Variants in ATXN3 observed in about 807,000 individuals in gnomAD.
ATXN3 encodes ataxin 3, also known as ataxin-3.
In ATXN3, 28 loss-of-function variants were observed where a neutral mutation model predicts 58.2. The observed-to-expected ratio is 0.48, with a 90% CI of 0.36 to 0.66. The LOEUF (loss-of-function observed/expected upper bound fraction) is 0.66, where lower values mean the gene tolerates loss of function less well. Ranked by LOEUF, ATXN3 falls within the 30% of genes least tolerant of loss-of-function variation. ATXN3 has a pLI of 0.00. For missense variants in ATXN3, 321 were observed against 422.1 expected (o/e 0.76, Z 2.10); for synonymous variants, 113 against 138.5 (o/e 0.82, Z 1.29).
intron 8 of ATXN3, among the ~76,000 whole-genome samples, chr14:92,081,704 A>G (rs904423918): frequency 1.3e-5 from 2 of 152,154 alleles, no homozygotes; most frequent in Non-Finnish European, 2.9e-5. Flanking sequence ...ATTTCATTAG[A>G]AAGTAGAAGC....
intron 5 of ATXN3, chr14:92,090,309 T>C (rs141210867): frequency 1.3e-5 from 2 of 152,232 alleles, no homozygotes; most frequent in African/African-American, 4.8e-5. Flanking sequence ...TCTTACACTA[T>C]GTTGTACAGG....
At chr14:92,079,677 G>A (rs2061087067) in intron 9 of ATXN3, among the ~76,000 whole-genome samples, 1 of 152,178 alleles carries the variant, frequency 6.6e-6, no homozygotes, top group South Asian at 2.1e-4. Context: ...CTATGACTCT[G>A]TTTTCTGACC....
chr14:92,046,777 T>C (rs914294025), intron 2 of ATXN3, among the ~76,000 whole-genome samples: 7 of 152,152 alleles, frequency 4.6e-5, no homozygotes, highest in African/African-American at 1.4e-4. Flanking sequence ...GTTGTTGTTT[T>C]GTAGAAGGTG....
chr14:92,065,017 C>G (rs973448230), intron 10 of ATXN3, among the ~76,000 whole-genome samples: 1 of 152,204 alleles, frequency 6.6e-6, no homozygotes, highest in African/African-American at 2.4e-5. Flanking sequence ...TTTTATCACA[C>G]GTGTATTCAT....
At chr14:92,093,034 T>G (rs1485514856) in intron 5 of ATXN3, among the ~76,000 whole-genome samples, 3 of 72,952 alleles carry the variant, frequency 4.1e-5, no homozygotes, top group African/African-American at 1.4e-4. Context: ...TGGCTCTTTG[T>G]TTTTTTTTTT....
chr14:92,055,696 C>T (rs1376814456), downstream of ATXN3, among the ~76,000 whole-genome samples: 2 of 152,192 alleles, frequency 1.3e-5, no homozygotes, highest in Non-Finnish European at 2.9e-5. The surrounding 1 kb of genome is among the most constrained non-coding windows in gnomAD (Gnocchi z 4.5). Context: ...TTAGGTGGCT[C>T]ATGCCTGTCA....
chr14:92,050,840 C>T (rs1048642592), upstream of ATXN3, among the ~76,000 whole-genome samples: 1 of 152,180 alleles, frequency 6.6e-6, no homozygotes, highest in African/African-American at 2.4e-5. Context: ...TCTCAAACTC[C>T]TGACTTGAAG....
At chr14:92,099,543 G>A (rs1291447325) in intron 1 of ATXN3, among the ~76,000 whole-genome samples, 3 of 152,098 alleles carry the variant, frequency 2.0e-5, no homozygotes, top group South Asian at 4.1e-4. Flanking sequence ...CAAATTGAAG[G>A]GATATACAGA....
intron 5 of ATXN3, among the ~76,000 whole-genome samples, chr14:92,089,313 C>T (rs1342538962): frequency 6.8e-6 from 1 of 147,556 alleles, no homozygotes; most frequent in African/African-American, 2.5e-5. Context: ...GCCACTGCAC[C>T]TGGCCTCTGC....
chr14:92,102,861 A>G (rs2067160199), intron 1 of ATXN3, among the ~76,000 whole-genome samples: 2 of 152,352 alleles, frequency 1.3e-5, no homozygotes, highest in Admixed American at 1.3e-4. Flanking sequence ...CTGTGCTATT[A>G]GCACTTCAAG....
intron 9 of ATXN3, among the ~76,000 whole-genome samples, chr14:92,079,236 A>T (rs2061011068): frequency 6.6e-6 from 1 of 151,318 alleles, no homozygotes; most frequent in Non-Finnish European, 1.5e-5. Flanking sequence ...GTATTTGTTG[A>T]ATCTGGGTCA....
intron 8 of ATXN3, among the ~76,000 whole-genome samples, chr14:92,081,465 CAAAAAAAAAA>C (rs58398762): frequency 8.4e-5 from 7 of 82,968 alleles, no homozygotes; most frequent in Admixed American, 5.0e-4. Flanking sequence ...GACTCTGACT[CAAAAAAAAAA>C]AAAAAAAAAA....
intron 6 of ATXN3, among the ~76,000 whole-genome samples, chr14:92,085,183 A>T (rs1256831042): frequency 4.7e-5 from 7 of 148,838 alleles, no homozygotes; most frequent in African/African-American, 1.3e-4. Context: ...AAGACTTCAC[A>T]TATTTTTTTT....
rs896540864 is a variant in ATXN3 at position 92,063,732 on chromosome 14, A to C, written c.*588T>G. 1.3e-5 allele frequency: 2 copies of C among 152,256 alleles called. No individual in the cohort carries two copies. Among genetic ancestry groups the C allele is most frequent in the African/African-American group, 4.8e-5 (2 of 41,470 alleles). The allele number at this position is 152,256 out of a possible 1,614,324, so 9.4% of individuals were successfully genotyped here. On this transcript the variant is annotated 3_prime_UTR_variant, in exon 11 of 11. Transcript: ENST00000644486. ...CCATCTTTCAAAAGAATTGTGGGAA[A>C]ATAATGAAAACCAGGTAGCAGAAAA...
At chr14:92,090,946 CTTT>C (rs34338098) in intron 5 of ATXN3, among the ~76,000 whole-genome samples, 3 of 116,474 alleles carry the variant, frequency 2.6e-5, no homozygotes, top group Admixed American at 1.0e-4. Context: ...TGTAAGCTGC[CTTT>C]TTTTTTTTTT....
intron 1 of ATXN3, among the ~76,000 whole-genome samples, chr14:92,048,537 G>A (rs1418950213): frequency 1.3e-5 from 2 of 152,212 alleles, no homozygotes; most frequent in South Asian, 2.1e-4. Flanking sequence ...ACTGGGTTGA[G>A]TTTTTATATT....
intron 2 of ATXN3, among the ~76,000 whole-genome samples, chr14:92,046,007 C>T (rs746564153): frequency 2.0e-5 from 3 of 152,066 alleles, no homozygotes; most frequent in Non-Finnish European, 2.9e-5. Flanking sequence ...GGAAGTAAAG[C>T]GGCCTTGAGA....
chr14:92,049,313 A>G (rs1257763812), intron 1 of ATXN3, among the ~76,000 whole-genome samples: 2 of 152,202 alleles, frequency 1.3e-5, no homozygotes, highest in Non-Finnish European at 2.9e-5. Context: ...TTGACTTGCC[A>G]CCAAGGGAAT....
intron 1 of ATXN3, among the ~76,000 whole-genome samples, chr14:92,101,011 G>A (rs562411792): frequency 1.3e-5 from 2 of 150,084 alleles, no homozygotes; most frequent in South Asian, 4.2e-4. Flanking sequence ...CCAAATATTT[G>A]ATTAAAATTC....
Sources: allele counts gnomAD v4.1 joint callset (sites outside exome capture counted in the v4.1 genomes callset), GRCh38; gene constraint gnomAD v4.1.1; non-coding constraint Gnocchi (gnomAD v3.1); transcripts MANE v1.5; gene names NCBI Gene and HGNC (gene_info 2026-07-23, HGNC 2026-07-21).